The following SEMA5A variants were observed in gnomAD, a reference collection of about 807,000 sequenced individuals.
SEMA5A encodes the protein semaphorin 5A, also known as semaphorin-5A.
In SEMA5A, 55 loss-of-function variants were observed where a neutral mutation model predicts 135.5. The observed-to-expected ratio is 0.41, with a 90% CI of 0.33 to 0.51. SEMA5A has a LOEUF of 0.51. Ranked by LOEUF, SEMA5A falls within the 20% of genes least tolerant of loss-of-function variation. SEMA5A has a pLI of 0.37. For missense variants in SEMA5A, 1,290 were observed against 1,419.9 expected (o/e 0.91, Z 1.47); for synonymous variants, 580 against 546.5 (o/e 1.06, Z -0.85).
At chr5:9,447,216 C>A (rs902308451) in intron 1 of SEMA5A, among the ~76,000 whole-genome samples, 1 of 152,176 alleles carries the variant, frequency 6.6e-6, no homozygotes, top group Non-Finnish European at 1.5e-5. Flanking sequence ...AGTATAAACC[C>A]GTGCAAGCCA....
At chr5:9,371,388 C>A (rs1755129065) in intron 3 of SEMA5A, among the ~76,000 whole-genome samples, 1 of 152,146 alleles carries the variant, frequency 6.6e-6, no homozygotes, top group African/African-American at 2.4e-5. Context: ...AAAGTCCAGT[C>A]TAAGTATTAG....
chr5:9,185,146 T>A (rs557851609), intron 11 of SEMA5A, among the ~76,000 whole-genome samples: 3 of 152,226 alleles, frequency 2.0e-5, no homozygotes, highest in Non-Finnish European at 4.4e-5. Flanking sequence ...CATGCTGGTC[T>A]CAAACTTCTA....
intron 15 of SEMA5A, among the ~76,000 whole-genome samples, chr5:9,109,602 G>A (rs1740133677): frequency 6.6e-6 from 1 of 152,122 alleles, no homozygotes; most frequent in African/African-American, 2.4e-5. Context: ...TAGGCTATCT[G>A]CCTTAAGAAA....
At chr5:9,282,218 A>G (rs1750579410) in intron 5 of SEMA5A, among the ~76,000 whole-genome samples, 1 of 152,184 alleles carries the variant, frequency 6.6e-6, no homozygotes. Context: ...AAAAATATGA[A>G]GGCCAAACAC....
rs753126017 is a variant in SEMA5A, at chr5:9,039,444, C to T, written c.*3453G>A. The T allele has an allele frequency of 1.3e-5, 2 of 152,278 alleles. No homozygotes were observed. The highest frequency in any genetic ancestry group is 2.9e-5 in the Non-Finnish European group (2 of 68,084). The allele number at this position is 152,278 out of a possible 1,614,324, so 9.4% of individuals were successfully genotyped here. On this transcript the variant is annotated 3_prime_UTR_variant, in exon 23 of 23. Coordinates refer to ENST00000382496, the MANE Select transcript of SEMA5A (RefSeq NM_003966.3). ...CAGAGGTTTCTCCCCAGCAGGGATG[C>T]CCTCACCCTCATTCAATGTTTATCG... is the stretch of plus-strand genomic sequence containing the variant.
chr5:9,123,245 C>T (rs542362236), intron 13 of SEMA5A, among the ~76,000 whole-genome samples: 3 of 100,182 alleles, frequency 3.0e-5, no homozygotes, highest in African/African-American at 8.0e-5. Flanking sequence ...AGGGAAGGAG[C>T]GAGACTCCGC....
chr5:9,401,158 T>A (rs535384220), intron 2 of SEMA5A, among the ~76,000 whole-genome samples: 1 of 152,256 alleles, frequency 6.6e-6, no homozygotes, highest in East Asian at 1.9e-4. Flanking sequence ...TAAAGAAAAC[T>A]TTTTCAGTAC....
intron 1 of SEMA5A, among the ~76,000 whole-genome samples, chr5:9,445,217 T>C (rs1168812130): frequency 2.0e-5 from 3 of 152,198 alleles, no homozygotes; most frequent in Non-Finnish European, 4.4e-5. Context: ...ATGGGAGGTC[T>C]CTGCCCTCAA....
At chr5:9,064,926 A>G (rs760362926) in intron 17 of SEMA5A, among the ~76,000 whole-genome samples, 6 of 152,210 alleles carry the variant, frequency 3.9e-5, no homozygotes, top group Non-Finnish European at 7.3e-5. Flanking sequence ...CATCCTTTAT[A>G]AAATGTGCAT....
chr5:9,407,937 CATT>C (rs935476213), intron 2 of SEMA5A, among the ~76,000 whole-genome samples: 62 of 152,082 alleles, frequency 4.1e-4, no homozygotes, highest in African/African-American at 1.4e-3. Context: ...CCACCATCAT[CATT>C]GTCAACACCA....
intron 1 of SEMA5A, among the ~76,000 whole-genome samples, chr5:9,511,052 G>T (rs966142875): frequency 6.6e-6 from 1 of 152,104 alleles, no homozygotes; most frequent in African/African-American, 2.4e-5. Context: ...CTGATATCTA[G>T]TGTACCAGAA....
chr5:9,439,267 CACA>C (rs1561254077), intron 1 of SEMA5A, among the ~76,000 whole-genome samples: 1 of 152,206 alleles, frequency 6.6e-6, no homozygotes, highest in Non-Finnish European at 1.5e-5. Context: ...ATTTCTTTTA[CACA>C]ACATCACTAA....
chr5:9,535,359 G>A (rs1306335908), intron 1 of SEMA5A, among the ~76,000 whole-genome samples: 5 of 152,084 alleles, frequency 3.3e-5, no homozygotes, highest in Admixed American at 2.0e-4. Context: ...TTGGCTCCAG[G>A]CCTGACTTTC....
At chr5:9,216,909 C>A (rs1158378401) in intron 8 of SEMA5A, among the ~76,000 whole-genome samples, 1 of 152,198 alleles carries the variant, frequency 6.6e-6, no homozygotes, top group Non-Finnish European at 1.5e-5. Flanking sequence ...AGATAGCACA[C>A]TATTGAGTCT....
intron 5 of SEMA5A, among the ~76,000 whole-genome samples, chr5:9,289,403 A>G (rs554224341): frequency 6.6e-6 from 1 of 152,292 alleles, no homozygotes; most frequent in East Asian, 1.9e-4. Flanking sequence ...GGACAACTCA[A>G]ACAGATATAT....
chr5:9,495,601 T>G (rs1243617346), intron 1 of SEMA5A, among the ~76,000 whole-genome samples: 4 of 152,166 alleles, frequency 2.6e-5, no homozygotes, highest in Non-Finnish European at 4.4e-5. Context: ...CATCATTGAA[T>G]AACCAGCCCC....
intron 2 of SEMA5A, among the ~76,000 whole-genome samples, chr5:9,422,869 G>A (rs1757518210): frequency 6.6e-6 from 1 of 152,140 alleles, no homozygotes; most frequent in Non-Finnish European, 1.5e-5. Flanking sequence ...AAAGTATAAT[G>A]GAATCCACTT....
chr5:9,230,084 A>C (rs536786249), intron 6 of SEMA5A, among the ~76,000 whole-genome samples: 70 of 152,008 alleles, frequency 4.6e-4, no homozygotes, highest in Middle Eastern at 6.8e-3. Flanking sequence ...ACTTGGGCTC[A>C]AGTGATCCTC....
intron 2 of SEMA5A, among the ~76,000 whole-genome samples, chr5:9,407,046 G>C (rs1204354534): frequency 6.6e-6 from 1 of 152,176 alleles, no homozygotes; most frequent in Admixed American, 6.5e-5. Context: ...TGCATTGAAG[G>C]ATGCTTAGCG....
Sources: gnomAD v4.1 joint callset for allele counts (sites outside exome capture counted in the v4.1 genomes callset) on GRCh38, gnomAD v4.1.1 for gene constraint, MANE v1.5 for transcripts, NCBI Gene and HGNC (gene_info 2026-07-23, HGNC 2026-07-21) for gene names.